The following WDR37 variants were observed in gnomAD, a reference collection of about 807,000 sequenced individuals.
WDR37 encodes WD repeat-containing protein 37.
In WDR37, 19 loss-of-function variants were observed where a neutral mutation model predicts 62.9. The observed-to-expected ratio is 0.30, with a 90% CI of 0.21 to 0.44. The LOEUF (loss-of-function observed/expected upper bound fraction) is 0.44. WDR37 is among the 20% of genes least tolerant of loss of function. The pLI is 1.00. For synonymous variants in WDR37, 250 were observed against 260.9 expected (o/e 0.96, Z 0.40); for missense variants, 474 against 657.6 (o/e 0.72, Z 3.05).
intron 11 of WDR37, among the ~76,000 whole-genome samples, chr10:1,112,658 AATG>A (rs1461554183): frequency 1.3e-5 from 2 of 152,240 alleles, no homozygotes; most frequent in Non-Finnish European, 2.9e-5. Context: ...TGAACACACG[AATG>A]ATAAGAACAC....
At position 1,130,235 on chromosome 10, in the gene WDR37, T is replaced by A. The variant is rs1835923040; in HGVS notation, c.*891T>A. 1 of 152,660 alleles carries A rather than the reference T, an allele frequency of 6.6e-6. No homozygotes were observed. The highest frequency in any genetic ancestry group is 1.5e-5 in the Non-Finnish European group (1 of 68,054). The allele number at this position is 152,660 out of a possible 1,614,324, so 9.5% of individuals were successfully genotyped here. ...GAATGGGCTCACTCCCGTGGTGGTG[T>A]TTGAGAGCCAACAACACTACCTCAG... On this transcript the variant is annotated 3_prime_UTR_variant, in exon 14 of 14. Transcript: ENST00000263150.
intron 2 of WDR37, chr10:1,074,583 T>C (rs1833812729): frequency 3.2e-6 from 4 of 1,242,160 alleles, no homozygotes; most frequent in Admixed American, 4.7e-5. Flanking sequence ...CGTGAGGTGC[T>C]CTGCCTTCCC....
At chr10:1,069,578 A>G (rs899760948) in intron 1 of WDR37, among the ~76,000 whole-genome samples, 12 of 151,864 alleles carry the variant, frequency 7.9e-5, no homozygotes, top group Non-Finnish European at 1.6e-4. Flanking sequence ...TCATATTTAC[A>G]TAACAGTCTC....
intron 1 of WDR37, among the ~76,000 whole-genome samples, chr10:1,065,869 C>T (rs932059420): frequency 1.5e-4 from 23 of 151,190 alleles, no homozygotes; most frequent in Admixed American, 4.0e-4. Context: ...GCTTACAAAC[C>T]ACAAAGGAAG....
rs1469420342 is a variant in WDR37 at position 1,105,770 on chromosome 10, C to T, written c.1103+503C>T. On this transcript the variant is annotated intron_variant, in intron 11 of 13. Transcript: ENST00000263150. This position sits in a 1 kb window ranked among gnomAD's most constrained non-coding sequence, Gnocchi z 5.3. Reference sequence around the variant, plus strand: ...TGTGTCCCTCTCTGCTTGGGTTTCTCTCCGGCAACTCAAGTGTAAGGTCTT... The same window carrying T: ...TGTGTCCCTCTCTGCTTGGGTTTCTTTCCGGCAACTCAAGTGTAAGGTCTT... 6.6e-6 allele frequency among the ~76,000 whole-genome samples: 1 copy of T among 152,072 alleles called. No homozygotes were observed. The highest frequency in any genetic ancestry group is 6.6e-5 in the Admixed American group (1 of 15,262).
Position 1,124,275 on chromosome 10 carries a change from C to A in WDR37, c.1161C>A (p.Asp387Glu). Reference sequence around the variant, plus strand: ...ACAACGTGGTTTCAGGCAGCGATGACCGCACGGTGAAAGTCTGGGACTTGA... The same window carrying A: ...ACAACGTGGTTTCAGGCAGCGATGAACGCACGGTGAAAGTCTGGGACTTGA... ...VGDNVVSGSD[D>E]RTVKVWDLKN... The change falls in exon 12 of 14, where the codon GAC becomes GAA. Residue 387 changes from aspartate (D) to glutamate (E), a missense_variant. Asp to Glu is a conservative substitution (Grantham distance 45). Transcript: ENST00000263150. 6.2e-7 allele frequency: 1 copy of A among 1,614,204 alleles called. No homozygotes were observed. The highest frequency in any genetic ancestry group is 8.5e-7 in the Non-Finnish European group (1 of 1,180,040).
At chr10:1,069,913 T>C (rs761612679) in intron 1 of WDR37, among the ~76,000 whole-genome samples, 1 of 152,102 alleles carries the variant, frequency 6.6e-6, no homozygotes, top group Admixed American at 6.6e-5. Context: ...TATTTCAAAA[T>C]ACAAAGTTGA....
intron 9 of WDR37, among the ~76,000 whole-genome samples, chr10:1,102,858 C>T (rs191086417): frequency 6.6e-6 from 1 of 152,260 alleles, no homozygotes; most frequent in African/African-American, 2.4e-5. Context: ...TTTGCTAGAA[C>T]AGAAGTTCTC....
chr10:1,099,002 G>A (rs72760946), intron 9 of WDR37, among the ~76,000 whole-genome samples: 8,776 of 152,248 alleles, frequency 0.058, 353 homozygotes, highest in Non-Finnish European at 0.088. Flanking sequence ...TTTCATGGAC[G>A]TTTATCATCA....
intron 1 of WDR37, among the ~76,000 whole-genome samples, chr10:1,064,839 G>A (rs1408946964): frequency 1.3e-4 from 19 of 151,938 alleles, no homozygotes; most frequent in African/African-American, 4.1e-4. Context: ...TGATCTGCCC[G>A]CCTCGGCCTC....
At chr10:1,063,083 T>TA (rs57894038) in intron 1 of WDR37, among the ~76,000 whole-genome samples, 11,026 of 137,514 alleles carry the variant, frequency 0.08, 757 homozygotes, top group African/African-American at 0.2. Flanking sequence ...GACACTCTGT[T>TA]AAAAAAAAAA....
intron 2 of WDR37, 70 bp downstream of exon 2, chr10:1,072,363 G>A: frequency 6.3e-7 from 1 of 1,583,198 alleles, no homozygotes; most frequent in South Asian, 1.2e-5. Flanking sequence ...CGTTTCCCCG[G>A]CTGGAGTGCG....
In WDR37 at chr10:1,129,298, C is replaced by T. The variant is rs1353114004; in HGVS notation, c.1439C>T (p.Ala480Val). The T allele has an allele frequency of 6.2e-7, 1 of 1,614,072 alleles. No individual in the cohort carries two copies. The highest frequency in any genetic ancestry group is 1.7e-5 in the Admixed American group (1 of 60,006). Residue 480 changes from alanine to valine, a missense_variant, in exon 14 of 14, where the codon GCC becomes GTC. Coordinates refer to ENST00000263150, the MANE Select transcript of WDR37 (RefSeq NM_014023.4). ...TTCACCTGTGGGTTTGACCGGCAAG[C>T]CATTGGTTGGAACATCAACATCCCT... The part of the protein sequence containing the change: ...NLFTCGFDRQ[A>V]IGWNINIPAL...
intron 13 of WDR37, among the ~76,000 whole-genome samples, chr10:1,126,240 A>C (rs187191197): frequency 2.3e-3 from 350 of 151,900 alleles, no homozygotes; most frequent in Admixed American, 7.7e-3. Flanking sequence ...CCTGTCTCTA[A>C]TAAAAATACA....
chr10:1,127,638 C>G (rs1419116220), intron 13 of WDR37, among the ~76,000 whole-genome samples: 1 of 151,934 alleles, frequency 6.6e-6, no homozygotes, highest in Non-Finnish European at 1.5e-5. Context: ...GGTGGAGAGT[C>G]AGGAGGTCCG....
At chr10:1,128,378 G>A (rs916304575) in intron 13 of WDR37, among the ~76,000 whole-genome samples, 1 of 152,212 alleles carries the variant, frequency 6.6e-6, no homozygotes, top group Non-Finnish European at 1.5e-5. Flanking sequence ...CATCTGCTAT[G>A]TACATACACA....
intron 5 of WDR37, among the ~76,000 whole-genome samples, chr10:1,081,161 G>A (rs896555703): frequency 1.3e-5 from 2 of 152,178 alleles, no homozygotes; most frequent in African/African-American, 4.8e-5. Context: ...TTTCCTAAGT[G>A]TGATCAGGAA....
intron 1 of WDR37, among the ~76,000 whole-genome samples, chr10:1,071,807 C>T (rs957852995): frequency 4.6e-5 from 7 of 152,038 alleles, no homozygotes; most frequent in South Asian, 4.1e-4. Context: ...TTGGTTCCCT[C>T]GGGGGAGTAG....
intron 2 of WDR37, among the ~76,000 whole-genome samples, chr10:1,077,439 GTGAC>G (rs2131621985): frequency 6.6e-6 from 1 of 152,282 alleles, no homozygotes; most frequent in South Asian, 2.1e-4. Context: ...TGATGGGAGA[GTGAC>G]TGTGCTTTTG....
Sources: allele counts gnomAD v4.1 joint callset (sites outside exome capture counted in the v4.1 genomes callset), GRCh38; gene constraint gnomAD v4.1.1; non-coding constraint Gnocchi (gnomAD v3.1); transcripts MANE v1.5; gene names NCBI Gene and HGNC (gene_info 2026-07-23, HGNC 2026-07-21).